Variants in RBM17 observed in about 807,000 individuals in gnomAD.
RBM17 encodes splicing factor 45.
In RBM17, 7 loss-of-function variants were observed where a neutral mutation model predicts 53.2. The observed-to-expected ratio is 0.13, with a 90% CI of 0.07 to 0.25. The LOEUF (loss-of-function observed/expected upper bound fraction) is 0.25. Among genes scored for constraint, RBM17 ranks in the 10% least tolerant of loss-of-function variants. RBM17 has a pLI of 1.00. For missense variants in RBM17, 257 were observed against 496.7 expected, an observed-to-expected ratio of 0.52 and a Z score of 4.59; for synonymous variants, 167 against 178.1, an observed-to-expected ratio of 0.94 and a Z score of 0.50.
At chr10:6,113,057 C>G in intron 8 of RBM17, 1 of 176,994 alleles carries the variant, frequency 5.6e-6, no homozygotes, top group Non-Finnish European at 1.2e-5. Context: ...GGATACATCA[C>G]GAGCCTGACA....
rs1840455611 is a variant in RBM17, at chr10:6,089,832, G to T, written c.-19+639G>T. Reference sequence around the variant, plus strand: ...GATCGGAGAATGCAGGTGGAATGAGGTTCTGCCCCTGCTTGCAGGAGTTTG... The same window carrying T: ...GATCGGAGAATGCAGGTGGAATGAGTTTCTGCCCCTGCTTGCAGGAGTTTG... On this transcript the variant is annotated intron_variant, in intron 1 of 11. Transcript: ENST00000379888. This position sits in a 1 kb window ranked among gnomAD's most constrained non-coding sequence, Gnocchi z 5.6. 1 of 152,374 alleles carries T rather than the reference G, an allele frequency of 6.6e-6. No homozygotes were observed. The highest frequency in any genetic ancestry group is 1.5e-5 in the Non-Finnish European group (1 of 68,088). The allele number at this position is 152,374 out of a possible 1,614,324, so 9.4% of individuals were successfully genotyped here.
At chr10:6,106,484 T>G (rs1840749863) in intron 5 of RBM17, 1 of 392,688 alleles carries the variant, frequency 2.5e-6, no homozygotes, top group Non-Finnish European at 4.8e-6. Flanking sequence ...GGGACTAGCT[T>G]AAAATCTATT....
chr10:6,102,882 C>T (rs1199478277), intron 3 of RBM17, among the ~76,000 whole-genome samples: 1 of 152,172 alleles, frequency 6.6e-6, no homozygotes, highest in Non-Finnish European at 1.5e-5. Context: ...TCACTGCAGC[C>T]TCCTCCTCCT....
intron 6 of RBM17, 31 bp downstream of exon 6, chr10:6,108,773 C>T: frequency 6.4e-7 from 1 of 1,555,720 alleles, no homozygotes; most frequent in Non-Finnish European, 8.9e-7. Context: ...CTCTTTTATT[C>T]TGATACAGGT....
intron 2 of RBM17, among the ~76,000 whole-genome samples, chr10:6,099,024 G>C (rs1840628540): frequency 6.6e-6 from 1 of 151,346 alleles, no homozygotes; most frequent in Non-Finnish European, 1.5e-5. Context: ...AGTATTTTGT[G>C]TTTTTTTTAA....
rs1308928870 is a variant in RBM17 at position 6,117,253 on chromosome 10, C to G, written c.*1697C>G. ...GACAGCTTGGTGTGTGCCTTTCTCC[C>G]CAGTCTTTTATTTTTAAAATAACTG... On this transcript the variant is annotated 3_prime_UTR_variant, in exon 12 of 12. Coordinates refer to ENST00000379888, the MANE Select transcript of RBM17 (RefSeq NM_032905.5). The G allele has an allele frequency of 1.3e-5, 2 of 152,228 alleles. No homozygotes were observed. Among genetic ancestry groups the G allele is most frequent in the Admixed American group, 1.3e-4 (2 of 15,266 alleles). 9.4% of individuals were successfully genotyped at this position (152,228 alleles called of 1,614,324 possible).
intron 2 of RBM17, 65 bp downstream of exon 2, chr10:6,097,253 G>A (rs920279243): frequency 2.8e-5 from 43 of 1,553,036 alleles, no homozygotes; most frequent in Admixed American, 1.9e-5. Flanking sequence ...AGGATGACAA[G>A]GAATTTGGTT....
intron 3 of RBM17, among the ~76,000 whole-genome samples, chr10:6,102,973 G>C (rs1840689945): frequency 6.6e-6 from 1 of 152,082 alleles, no homozygotes; most frequent in Admixed American, 6.5e-5. Context: ...CTAATTTTTT[G>C]TAGAGATGAG....
intron 1 of RBM17, among the ~76,000 whole-genome samples, chr10:6,095,789 C>G (rs377467794): frequency 2.0e-5 from 3 of 152,198 alleles, no homozygotes; most frequent in Admixed American, 6.5e-5. Flanking sequence ...CTCCGTCCCC[C>G]ACTCCACACA....
chr10:6,092,778 T>C lies in RBM17; in HGVS notation c.-19+3585T>C, dbSNP rs372098379. Among the ~76,000 whole-genome samples the C allele has an allele frequency of 7.9e-5, 12 of 152,244 alleles. No homozygotes were observed. The East Asian group carries it at 1.9e-3, about 24-fold the overall frequency. On this transcript the variant is annotated intron_variant, in intron 1 of 11. Coordinates refer to ENST00000379888, the MANE Select transcript of RBM17 (RefSeq NM_032905.5). ...CAGAGATTTGATTTTATAAGCTCAATGTTACAGAAAACTAGCAGGTGCTGG... is the reference window on the plus strand; with the variant it reads ...CAGAGATTTGATTTTATAAGCTCAACGTTACAGAAAACTAGCAGGTGCTGG...
At chr10:6,115,389 T>TAA (rs1840899015) in intron 11 of RBM17, 64 bp from the exon 12 acceptor site, 1 of 1,529,208 alleles carries the variant, frequency 6.5e-7, no homozygotes. Flanking sequence ...AGTTACTGTT[T>TAA]AATTAAAGTT....
intron 7 of RBM17, among the ~76,000 whole-genome samples, chr10:6,110,585 T>G (rs1464190892): frequency 6.6e-6 from 1 of 152,204 alleles, no homozygotes; most frequent in Non-Finnish European, 1.5e-5. Flanking sequence ...TGCCAGCATA[T>G]AAAATTTGAC....
intron 2 of RBM17, among the ~76,000 whole-genome samples, chr10:6,098,193 C>T (rs1840605914): frequency 6.6e-6 from 1 of 152,052 alleles, no homozygotes; most frequent in Non-Finnish European, 1.5e-5. Flanking sequence ...GAGGCTATAT[C>T]CCCCCAAACA....
At chr10:6,093,968 ATTTTTTT>A (rs71390121) in intron 1 of RBM17, among the ~76,000 whole-genome samples, 5 of 93,272 alleles carry the variant, frequency 5.4e-5, no homozygotes, top group Admixed American at 4.6e-4. Context: ...CAAGTGTGGA[ATTTTTTT>A]TTTTTTTTTT....
intron 4 of RBM17, 23 bp downstream of exon 4, chr10:6,105,120 G>A (rs1261603722): frequency 1.2e-6 from 2 of 1,607,848 alleles, no homozygotes; most frequent in East Asian, 2.2e-5. Flanking sequence ...TTGGATTTGG[G>A]GATATTTTAC....
At chr10:6,101,059 C>A (rs1840662715) in intron 2 of RBM17, among the ~76,000 whole-genome samples, 1 of 152,064 alleles carries the variant, frequency 6.6e-6, no homozygotes, top group Non-Finnish European at 1.5e-5. Flanking sequence ...GTAAACCTTT[C>A]ACAGAAATGG....
intron 3 of RBM17, among the ~76,000 whole-genome samples, chr10:6,103,162 A>T (rs753306185): frequency 2.6e-5 from 4 of 152,200 alleles, no homozygotes; most frequent in Non-Finnish European, 2.9e-5. Flanking sequence ...CTGAGGTGGC[A>T]TTAAGATATC....
At chr10:6,091,558 TATC>T (rs1840484889) in intron 1 of RBM17, among the ~76,000 whole-genome samples, 2 of 152,244 alleles carry the variant, frequency 1.3e-5, no homozygotes, top group Admixed American at 6.5e-5. Flanking sequence ...TTATCCTACT[TATC>T]ATAAGTTATG....
At chr10:6,108,835 G>A (rs1308051287) in intron 6 of RBM17, 93 bp downstream of exon 6, 19 of 971,266 alleles carry the variant, frequency 2.0e-5, no homozygotes, top group East Asian at 5.2e-5. Flanking sequence ...TTTCCTGAGC[G>A]TAGAGGGAAA....
Sources: gnomAD v4.1 joint callset for allele counts (sites outside exome capture counted in the v4.1 genomes callset) on GRCh38, gnomAD v4.1.1 for gene constraint, Gnocchi (gnomAD v3.1) non-coding constraint, MANE v1.5 for transcripts, NCBI Gene and HGNC (gene_info 2026-07-23, HGNC 2026-07-21) for gene names.